Variants in CNMD observed in about 807,000 individuals in gnomAD.
CNMD encodes the protein chondromodulin.
Under a neutral mutation model 37.5 loss-of-function variants are expected in CNMD, and 30 were observed. That is an observed-to-expected ratio of 0.80 (90% CI 0.60 to 1.09). CNMD has a LOEUF of 1.09. Ranked by LOEUF, CNMD falls within the 50% of genes least tolerant of loss-of-function variation. The pLI is 0.00. For missense variants in CNMD, 398 were observed against 423.9 expected (o/e 0.94, Z 0.54); for synonymous variants, 167 against 148.2 (o/e 1.13, Z -0.92).
Position 52,739,529 on chromosome 13 carries a change from C to A in CNMD, c.72+101G>T. On this transcript the variant is annotated intron_variant, in intron 1 of 6. Transcript: ENST00000377962. This position sits in a 1 kb window ranked among gnomAD's most constrained non-coding sequence, Gnocchi z 5.4. ...TTTGGGACCCAAATTTATCCCCCCG[C>A]CAACACACCCATTCGGTGGCACGCA... 1 of 1,084,124 alleles carries A rather than the reference C, an allele frequency of 9.2e-7. No individual in the cohort carries two copies. Among genetic ancestry groups the A allele is most frequent in the Admixed American group, 1.8e-5 (1 of 56,510 alleles). The allele number at this position is 1,084,124 out of a possible 1,614,324, so 67.2% of individuals were successfully genotyped here. A position where few individuals can be genotyped will look rare whatever the true frequency, so the allele number is the denominator to read the frequency against.
At position 52,739,146 on chromosome 13, in the gene CNMD, G is replaced by A. The variant is rs759020746; in HGVS notation, c.98C>T (p.Pro33Leu). Residue 33 changes from proline (P) to leucine (L), a missense_variant, in exon 2 of 7, where the codon CCC becomes CTC. Pro to Leu is a moderately conservative substitution (Grantham distance 98, BLOSUM62 -3). Transcript: ENST00000377962. The surrounding 1 kb of genome is among the most constrained non-coding windows in gnomAD (Gnocchi z 5.4). ...CTTGAGCAGCCGCGCGGGGCTGGAG[G>A]GCTTCACCGTCAGCGTAGCGTACGC... ...PPAYATLTVK[P>L]SSPARLLKVG... 4 of 1,529,756 alleles carry A rather than the reference G, an allele frequency of 2.6e-6. No homozygotes were observed. The highest frequency in any genetic ancestry group is 3.5e-6 in the Non-Finnish European group (4 of 1,145,722). The allele number at this position is 1,529,756 out of a possible 1,614,324, so 94.8% of individuals were successfully genotyped here.
chr13:52,722,456 T>C (rs1175324094), intron 4 of CNMD, among the ~76,000 whole-genome samples: 1 of 152,066 alleles, frequency 6.6e-6, no homozygotes, highest in African/African-American at 2.4e-5. Context: ...ATAATAAAAT[T>C]AACAACAATG....
Position 52,706,703 on chromosome 13 carries a change from G to C in CNMD, c.789+1833C>G, listed in dbSNP as rs1032425746. On this transcript the variant is annotated intron_variant, in intron 6 of 6. Transcript: ENST00000377962. Reference sequence around the variant, plus strand: ...ATATTGTAACTGGAAAGAAAGCAAGGTATAAAAGTTTTGTGTTAAAAGTGT... The same window carrying C: ...ATATTGTAACTGGAAAGAAAGCAAGCTATAAAAGTTTTGTGTTAAAAGTGT... Among the ~76,000 whole-genome samples, 3 of 149,434 alleles carry C rather than the reference G, an allele frequency of 2.0e-5. No homozygotes were observed. The Admixed American group carries it at 2.0e-4, about 10-fold the overall frequency.
At chr13:52,704,602 G>T (rs978811708) in intron 6 of CNMD, among the ~76,000 whole-genome samples, 1 of 152,100 alleles carries the variant, frequency 6.6e-6, no homozygotes, top group African/African-American at 2.4e-5. Context: ...ACTTGTAAGG[G>T]TGGAGATTCT....
At chr13:52,726,245 A>G (rs1196802069) in intron 3 of CNMD, among the ~76,000 whole-genome samples, 4 of 152,178 alleles carry the variant, frequency 2.6e-5, no homozygotes, top group South Asian at 2.1e-4. Flanking sequence ...GGAGCCTTAA[A>G]AGCTCCCCAG....
In CNMD at chr13:52,733,269, T is replaced by C; in HGVS notation, c.304A>G (p.Lys102Glu). 1.2e-6 allele frequency: 2 copies of C among 1,614,094 alleles called. No homozygotes were observed. The highest frequency in any genetic ancestry group is 1.7e-6 in the Non-Finnish European group (2 of 1,179,924). ...IDAGNNLETF[K>E]MGSGAEEAIA... ...GCTTCTTCAGCTCCACTTCCCATTT[T>C]AAAGGTCTCCAAGTTGTTCCCAGCG... The change falls in exon 3 of 7, where the codon AAA (lysine) becomes GAA (glutamate). Residue 102 changes from lysine to glutamate, a missense_variant. Transcript: ENST00000377962.
At position 52,739,636 on chromosome 13, in the gene CNMD, G is replaced by C. The variant is rs1964851530; in HGVS notation, c.66C>G (p.Ser22Arg). Residue 22 changes from serine (S) to arginine (R), a missense_variant, in exon 1 of 7, where the codon AGC (serine) becomes AGG (arginine). Transcript: ENST00000377962. This position sits in a 1 kb window ranked among gnomAD's most constrained non-coding sequence, Gnocchi z 5.4. ...AATCCCTGGCGGTACTCACCGGGGG[G>C]CTGCAGAATTCCACGTCATCAGGTC... is the stretch of plus-strand genomic sequence containing the variant. The part of the protein sequence containing the change: ...LVGPDDVEFC[S>R]PPAYATLTVK... The C allele has an allele frequency of 6.2e-7, 1 of 1,613,676 alleles. No individual in the cohort carries two copies. Among genetic ancestry groups the C allele is most frequent in the Non-Finnish European group, 8.5e-7 (1 of 1,179,688 alleles).
rs771377682 is a variant in CNMD, at chr13:52,703,757, G to C, written c.843C>G (p.Ile281Met). 36 of 1,613,960 alleles carry C rather than the reference G, an allele frequency of 2.2e-5. No individual in the cohort carries two copies. Among genetic ancestry groups the C allele is most frequent in the Non-Finnish European group, 3.1e-5 (36 of 1,179,888 alleles). ...AGCTCCGCCTACATTCTATACAACA[G>C]ATTCCTTCGTGATCCAGTCTAGGGT... ...TFDPRLDHEG[I>M]CCIECRRSYT... The change falls in exon 7 of 7, where the codon ATC becomes ATG. Residue 281 changes from isoleucine (I) to methionine (M), a missense_variant. Physicochemically the swap from Ile to Met is conservative, Grantham distance 10. Transcript: ENST00000377962.
At chr13:52,735,389 C>T (rs1026146463) in intron 2 of CNMD, among the ~76,000 whole-genome samples, 1 of 151,960 alleles carries the variant, frequency 6.6e-6, no homozygotes, top group Non-Finnish European at 1.5e-5. Context: ...AAGAACATTG[C>T]ACATAAGCTT....
At chr13:52,726,456 C>A (rs1964574569) in intron 3 of CNMD, among the ~76,000 whole-genome samples, 1 of 151,970 alleles carries the variant, frequency 6.6e-6, no homozygotes, top group African/African-American at 2.4e-5. Context: ...TCATTAACAA[C>A]CACACCTTAA....
chr13:52,739,509 G>T lies in CNMD; in HGVS notation c.72+121C>A. On this transcript the variant is annotated intron_variant, in intron 1 of 6. Coordinates refer to ENST00000377962, the MANE Select transcript of CNMD (RefSeq NM_007015.3). The surrounding 1 kb of genome is among the most constrained non-coding windows in gnomAD (Gnocchi z 5.4). ...GGCGACATCCCACCCACACATTTGG[G>T]ACCCAAATTTATCCCCCCGCCAACA... 1.1e-6 allele frequency: 1 copy of T among 913,380 alleles called. No homozygotes were observed. The highest frequency in any genetic ancestry group is 1.5e-5 in the South Asian group (1 of 66,616). The allele number at this position is 913,380 out of a possible 1,614,324, so 56.6% of individuals were successfully genotyped here.
chr13:52,717,198 C>T lies in CNMD; in HGVS notation c.469-4329G>A, dbSNP rs1274304613. On this transcript the variant is annotated intron_variant, in intron 4 of 6. Transcript: ENST00000377962. ...GATTTTTGCACATGGATTTTGTATC[C>T]TGAGACTTTGGTGCAGTTGCTTATC... Among the ~76,000 whole-genome samples the T allele has an allele frequency of 2.0e-5, 3 of 152,236 alleles. No individual in the cohort carries two copies. The East Asian group carries it at 5.8e-4, about 29-fold the overall frequency.
chr13:52,724,057 T>G lies in CNMD; in HGVS notation c.408A>C (p.Gln136His), dbSNP rs1964528879. Reference sequence around the variant, plus strand: ...CCACCTCAGGAATACGAGCCTTCACTTGCGCTTTAATGTAGCACTTCTCTC... The same window carrying G: ...CCACCTCAGGAATACGAGCCTTCACGTGCGCTTTAATGTAGCACTTCTCTC... ...AGGEKCYIKA[Q>H]VKARIPEVGA... The change falls in exon 4 of 7, where the codon CAA (glutamine) becomes CAC (histidine). Residue 136 changes from glutamine to histidine, a missense_variant. Gln to His is a conservative substitution (Grantham distance 24). Transcript: ENST00000377962. 1 of 1,614,136 alleles carries G rather than the reference T, an allele frequency of 6.2e-7. No individual in the cohort carries two copies. Among genetic ancestry groups the G allele is most frequent in the Non-Finnish European group, 8.5e-7 (1 of 1,180,028 alleles).
intron 3 of CNMD, among the ~76,000 whole-genome samples, chr13:52,732,079 G>A (rs1391219591): frequency 1.3e-5 from 2 of 152,098 alleles, no homozygotes; most frequent in Non-Finnish European, 2.9e-5. Context: ...GCATCTGTTG[G>A]GTATTCAAAT....
intron 6 of CNMD, among the ~76,000 whole-genome samples, chr13:52,704,475 G>A (rs1184517220): frequency 7.3e-6 from 1 of 136,224 alleles, no homozygotes; most frequent in Non-Finnish European, 1.6e-5. Flanking sequence ...ATAAACACAA[G>A]ATTACATTGG....
intron 4 of CNMD, among the ~76,000 whole-genome samples, chr13:52,722,918 T>C (rs1964506545): frequency 6.6e-6 from 1 of 152,184 alleles, no homozygotes. Flanking sequence ...CTATCTCAGC[T>C]TAATGTAGGG....
intron 3 of CNMD, among the ~76,000 whole-genome samples, chr13:52,727,634 A>G (rs1376934072): frequency 1.3e-5 from 2 of 152,154 alleles, no homozygotes; most frequent in Non-Finnish European, 2.9e-5. Context: ...GAATGAAATC[A>G]TGTCATTTCC....
In CNMD at chr13:52,733,020, T is replaced by A. The variant is rs993565673; in HGVS notation, c.354+199A>T. 1.3e-5 allele frequency: 8 copies of A among 597,094 alleles called. No homozygotes were observed. In the Admixed American group the frequency reaches 1.9e-4, roughly 14 times the overall value. 37.0% of individuals were successfully genotyped at this position (597,094 alleles called of 1,614,324 possible). A position where few individuals can be genotyped will look rare whatever the true frequency, so the allele number is the denominator to read the frequency against. ...TATTTTACAACTGAAGTGTTGTTTTTTTCTTTTGCAAATATGAAGGACAAA... is the reference window on the plus strand; with the variant it reads ...TATTTTACAACTGAAGTGTTGTTTTATTCTTTTGCAAATATGAAGGACAAA... On this transcript the variant is annotated intron_variant, in intron 3 of 6. Transcript: ENST00000377962.
chr13:52,723,537 G>A (rs1301185935), intron 4 of CNMD, among the ~76,000 whole-genome samples: 1 of 152,154 alleles, frequency 6.6e-6, no homozygotes, highest in Admixed American at 6.5e-5. Context: ...AGAATCCCTT[G>A]ACCCCAGTAG....
Sources: gnomAD v4.1 joint callset for allele counts (sites outside exome capture counted in the v4.1 genomes callset) on GRCh38, gnomAD v4.1.1 for gene constraint, Gnocchi (gnomAD v3.1) non-coding constraint, MANE v1.5 for transcripts, NCBI Gene and HGNC (gene_info 2026-07-23, HGNC 2026-07-21) for gene names.